The following FAM178B variants were observed in gnomAD, a reference collection of about 807,000 sequenced individuals.
The protein encoded by FAM178B is family with sequence similarity 178 member B.
FAM178B carries 82 observed loss-of-function variants against 91.7 expected under a neutral mutation model. The ratio of observed to expected loss-of-function variants is 0.89; its 90% CI spans 0.75 to 1.07. The LOEUF is 1.07. FAM178B is among the 50% of genes least tolerant of loss of function. The pLI is 0.00. For synonymous variants in FAM178B, 368 were observed against 359.4 expected (o/e 1.02, Z -0.27); for missense variants, 769 against 846.7 (o/e 0.91, Z 1.14).
At chr2:96,947,770 G>T in intron 8 of FAM178B, 48 bp downstream of exon 8, 1 of 1,117,454 alleles carries the variant, frequency 8.9e-7, no homozygotes, top group Non-Finnish European at 1.3e-6. Context: ...CGTATCACAG[G>T]CTTGGGAGCT....
chr2:96,967,615 C>T lies in FAM178B; in HGVS notation c.639G>A (p.Leu213=). 1 of 1,549,260 alleles carries T rather than the reference C, an allele frequency of 6.5e-7. No homozygotes were observed. Among genetic ancestry groups the T allele is most frequent in the Non-Finnish European group, 8.7e-7 (1 of 1,146,328 alleles). The change falls in exon 5 of 17, where the codon CTG becomes CTA. Residue 213 remains leucine (L), a synonymous_variant. Coordinates refer to ENST00000490605, the MANE Select transcript of FAM178B (RefSeq NM_001122646.3). ...YLLQEKREQA[L]EQERERLLLQ... is the part of the protein sequence containing the mutation. ...GAAGCAGCCTCTCTCGCTCCTGCTC[C>T]AGGGCCTGTTCCCTATAGGAAGTCG...
At chr2:96,892,139 C>T (rs2080697670) in intron 14 of FAM178B, among the ~76,000 whole-genome samples, 2 of 152,154 alleles carry the variant, frequency 1.3e-5, no homozygotes, top group African/African-American at 2.4e-5. Flanking sequence ...GTCATCCGGC[C>T]GGGGTGGGAG....
chr2:96,973,077 C>T (rs564217665), intron 1 of FAM178B, among the ~76,000 whole-genome samples: 8 of 151,478 alleles, frequency 5.3e-5, no homozygotes, highest in African/African-American at 1.2e-4. Flanking sequence ...GGCGTGGCGG[C>T]GTGTGCCTTA....
At chr2:96,950,090 G>T (rs1310039662) in intron 7 of FAM178B, 7 of 985,466 alleles carry the variant, frequency 7.1e-6, no homozygotes, top group African/African-American at 5.2e-5. Flanking sequence ...CAGGATGGGG[G>T]TCTCTGAACC....
intron 5 of FAM178B, among the ~76,000 whole-genome samples, chr2:96,965,586 C>G: frequency 6.6e-6 from 1 of 152,118 alleles, no homozygotes; most frequent in East Asian, 1.9e-4. Context: ...TCTCAGCCTC[C>G]CAAGTAGCTG....
Position 96,923,492 on chromosome 2 carries a change from T to C in FAM178B, c.1285A>G (p.Lys429Glu), listed in dbSNP as rs2081381194. The change falls in exon 10 of 17, where the codon AAG becomes GAG. Residue 429 changes from lysine to glutamate, a missense_variant and splice_region_variant. Coordinates refer to ENST00000490605, the MANE Select transcript of FAM178B (RefSeq NM_001122646.3). ...ATGAGGCAGGCGGCTTGACTCACCT[T>C]GTAGATGTGGCCCAGGCTGATGTCC... ...ALDISLGHIY[K>E]FLALCAQAQP... 1.9e-6 allele frequency: 3 copies of C among 1,551,234 alleles called. No homozygotes were observed. The highest frequency in any genetic ancestry group is 2.6e-6 in the Non-Finnish European group (3 of 1,146,588).
chr2:96,946,456 C>T (rs992671112), intron 8 of FAM178B, among the ~76,000 whole-genome samples: 18 of 152,122 alleles, frequency 1.2e-4, no homozygotes, highest in Admixed American at 1.1e-3. Flanking sequence ...GTTGAGATCC[C>T]GACCCCAGGC....
At position 96,972,214 on chromosome 2, in the gene FAM178B, C is replaced by T. The variant is rs750991572; in HGVS notation, c.251G>A (p.Ser84Asn). The change falls in exon 3 of 17, where the codon AGC (serine) becomes AAC (asparagine). Residue 84 changes from serine to asparagine, a missense_variant. Coordinates refer to ENST00000490605, the MANE Select transcript of FAM178B (RefSeq NM_001122646.3). ...GPRCPARRPC[S>N]PASAPAPTSP... Reference sequence around the variant, plus strand: ...TGTGGGAGCTGGAGCCGAGGCAGGGCTGCAGGGCCGCCGGGCAGGGCAGCG... The same window carrying T: ...TGTGGGAGCTGGAGCCGAGGCAGGGTTGCAGGGCCGCCGGGCAGGGCAGCG... 6.5e-7 allele frequency: 1 copy of T among 1,543,242 alleles called. No individual in the cohort carries two copies. The highest frequency in any genetic ancestry group is 1.2e-5 in the South Asian group (1 of 83,050).
At chr2:96,884,868 G>C (rs2080477882) in intron 14 of FAM178B, among the ~76,000 whole-genome samples, 1 of 152,242 alleles carries the variant, frequency 6.6e-6, no homozygotes. Context: ...AAGTGACTCT[G>C]ACCAGGACAG....
intron 9 of FAM178B, among the ~76,000 whole-genome samples, chr2:96,926,378 C>T (rs1183439776): frequency 3.9e-5 from 6 of 152,174 alleles, no homozygotes; most frequent in Admixed American, 1.3e-4. Context: ...TGGTCTTCAG[C>T]GGCCAGGCCT....
intron 16 of FAM178B, chr2:96,877,668 T>G (rs2080278066): frequency 7.2e-6 from 4 of 557,898 alleles, no homozygotes; most frequent in Non-Finnish European, 1.3e-5. Context: ...GTGCTGGGAT[T>G]ACAGGCGTGA....
intron 8 of FAM178B, 42 bp downstream of exon 8, chr2:96,947,776 G>T: frequency 8.5e-7 from 1 of 1,175,980 alleles, no homozygotes; most frequent in South Asian, 1.4e-5. Context: ...ACAGGCTTGG[G>T]AGCTCAGTGC....
At position 96,923,530 on chromosome 2, in the gene FAM178B, T is replaced by TG. The variant is rs1357537332; in HGVS notation, c.1246dup (p.Gln416ProfsTer29). 6.4e-7 allele frequency: 1 copy of TG among 1,551,670 alleles called. No individual in the cohort carries two copies. The highest frequency in any genetic ancestry group is 1.2e-5 in the South Asian group (1 of 84,066). On this transcript the variant is annotated frameshift_variant, in exon 10 of 17. Coordinates refer to ENST00000490605, the MANE Select transcript of FAM178B (RefSeq NM_001122646.3). LOFTEE classifies it high-confidence loss of function. ...CAGGCTGATGTCCAAGGCAATCTCTTGGGGAGCGTCCTGCTCCTCATTCTC... is the reference window on the plus strand; with the variant it reads ...CAGGCTGATGTCCAAGGCAATCTCTTGGGGGAGCGTCCTGCTCCTCATTCTC...
intron 8 of FAM178B, among the ~76,000 whole-genome samples, chr2:96,946,852 G>T (rs1192035787): frequency 6.6e-6 from 1 of 152,258 alleles, no homozygotes; most frequent in Non-Finnish European, 1.5e-5. Flanking sequence ...CTACTCAGAA[G>T]ACCTCGCTTA....
intron 8 of FAM178B, among the ~76,000 whole-genome samples, chr2:96,933,315 G>C (rs548262249): frequency 2.6e-5 from 4 of 152,286 alleles, no homozygotes; most frequent in African/African-American, 9.6e-5. Flanking sequence ...CTCTGTGTAA[G>C]AGGCTGTGAG....
chr2:96,932,164 C>T (rs1188093244), intron 8 of FAM178B, among the ~76,000 whole-genome samples: 1 of 152,182 alleles, frequency 6.6e-6, no homozygotes. Flanking sequence ...GCCCGCCTCC[C>T]CTTGAGATCC....
chr2:96,894,858 A>C (rs1164483104), intron 13 of FAM178B, among the ~76,000 whole-genome samples: 36 of 31,360 alleles, frequency 1.1e-3, no homozygotes, highest in East Asian at 3.4e-3. Context: ...CCCCACACAG[A>C]CCCCCACCCA....
chr2:96,931,691 G>A lies in FAM178B; in HGVS notation c.1079-2371C>T, dbSNP rs145986637. ...GTGCTGGCAACAGTCCTGCCCAGCTGCAGTGCTGGCAGACGGCAGGATGGC... is the reference window on the plus strand; with the variant it reads ...GTGCTGGCAACAGTCCTGCCCAGCTACAGTGCTGGCAGACGGCAGGATGGC... On this transcript the variant is annotated intron_variant, in intron 8 of 16. Transcript: ENST00000490605. Among the ~76,000 whole-genome samples the A allele has an allele frequency of 6.1e-3, 926 of 152,308 alleles. 4 individuals are homozygous for A. Among genetic ancestry groups the A allele is most frequent in the Non-Finnish European group, 9.1e-3 (618 of 68,018 alleles).
rs1439036585 is a variant in FAM178B at position 96,951,358 on chromosome 2, T to C, written c.993+21A>G. Reference sequence around the variant, plus strand: ...AGACTGCAGCGCTCCCGCCACCTAGTGGCAGGCCTGCGGTCCTCACCTGGA... The same window carrying C: ...AGACTGCAGCGCTCCCGCCACCTAGCGGCAGGCCTGCGGTCCTCACCTGGA... On this transcript the variant is annotated intron_variant, in intron 7 of 16. Transcript: ENST00000490605. The C allele has an allele frequency of 2.6e-6, 4 of 1,528,384 alleles. No homozygotes were observed. The East Asian group carries it at 9.8e-5, about 37-fold the overall frequency. 94.7% of individuals were successfully genotyped at this position (1,528,384 alleles called of 1,614,324 possible). A position where few individuals can be genotyped will look rare whatever the true frequency, so the allele number is the denominator to read the frequency against.
Sources: gnomAD v4.1 joint callset for allele counts (sites outside exome capture counted in the v4.1 genomes callset) on GRCh38, gnomAD v4.1.1 for gene constraint, MANE v1.5 for transcripts, NCBI Gene and HGNC (gene_info 2026-07-23, HGNC 2026-07-21) for gene names.